Variants in GALNT13 observed in about 807,000 individuals in gnomAD.
The protein encoded by GALNT13 is polypeptide N-acetylgalactosaminyltransferase 13, also known as UDP-GalNAc:polypeptide N-acetylgalactosaminyltransferase 13.
Under a neutral mutation model 64.2 loss-of-function variants are expected in GALNT13, and 28 were observed. The ratio of observed to expected loss-of-function variants is 0.44; its 90% confidence interval spans 0.32 to 0.60. GALNT13 has a LOEUF of 0.60. Ranked by LOEUF, GALNT13 falls within the 20% of genes least tolerant of loss-of-function variation. The probability of loss-of-function intolerance (pLI) is 0.05; values close to 1 mark genes in which losing one functional copy is unlikely to be tolerated. For synonymous variants in GALNT13, 214 were observed against 224.6 expected (o/e 0.95, Z 0.42); for missense variants, 577 against 669.8 (o/e 0.86, Z 1.53).
intron 11 of GALNT13, among the ~76,000 whole-genome samples, chr2:154,410,062 T>C (rs1336316500): frequency 3.9e-5 from 6 of 151,970 alleles, no homozygotes; most frequent in African/African-American, 1.4e-4. Context: ...TTCCAAACTG[T>C]CAATTTGAGC....
At chr2:153,686,772 C>T in the GALNT13 span, among the ~76,000 whole-genome samples, 6 of 151,810 alleles carry the variant, frequency 4.0e-5, no homozygotes, top group Admixed American at 6.6e-5. Context: ...ATGTTAGCTG[C>T]GAGTTTGTCA....
chr2:153,888,181 T>C (rs2105260424), intron 1 of GALNT13, among the ~76,000 whole-genome samples: 1 of 152,144 alleles, frequency 6.6e-6, no homozygotes, highest in African/African-American at 2.4e-5. Flanking sequence ...CATAAATTAA[T>C]AAACTGCTGG....
chr2:153,140,383 C>A, the GALNT13 span, among the ~76,000 whole-genome samples: 53 of 152,040 alleles, frequency 3.5e-4, no homozygotes, highest in East Asian at 9.4e-3. Flanking sequence ...TTGTATACAA[C>A]AAAGGACAGG....
intron 3 of GALNT13, among the ~76,000 whole-genome samples, chr2:154,086,996 C>T (rs748624830): frequency 6.6e-5 from 10 of 151,874 alleles, no homozygotes; most frequent in Non-Finnish European, 1.5e-4. Context: ...CGAGTGTTTG[C>T]AAGCGTGAAT....
the GALNT13 span, among the ~76,000 whole-genome samples, chr2:153,127,768 C>G: frequency 2.6e-5 from 4 of 152,276 alleles, no homozygotes; most frequent in Middle Eastern, 0.01. Context: ...TATATTATGG[C>G]AAACTTTTCC....
chr2:153,276,335 T>C, the GALNT13 span, among the ~76,000 whole-genome samples: 3 of 152,226 alleles, frequency 2.0e-5, no homozygotes, highest in Admixed American at 6.5e-5. Context: ...TCATTTTATA[T>C]AGAAAAAGCA....
the GALNT13 span, among the ~76,000 whole-genome samples, chr2:153,110,812 A>G: frequency 1.3e-5 from 2 of 152,268 alleles, no homozygotes; most frequent in Non-Finnish European, 2.9e-5. Context: ...ATTTTTAGTA[A>G]GAAGGCGGTG....
the GALNT13 span, among the ~76,000 whole-genome samples, chr2:153,833,992 A>C: frequency 7.7e-6 from 1 of 129,546 alleles, no homozygotes; most frequent in Non-Finnish European, 1.8e-5. Flanking sequence ...GTGATTTCTT[A>C]ACAATGTTAC....
At chr2:153,780,006 C>G in the GALNT13 span, among the ~76,000 whole-genome samples, 7 of 151,736 alleles carry the variant, frequency 4.6e-5, no homozygotes, top group Admixed American at 2.6e-4. Flanking sequence ...TGACACCATG[C>G]ATGATTCAGC....
chr2:154,045,357 ATAAGAG>A (rs1000668967), intron 3 of GALNT13, among the ~76,000 whole-genome samples: 20 of 152,310 alleles, frequency 1.3e-4, no homozygotes, highest in African/African-American at 4.8e-4. Flanking sequence ...GAGACAAAGA[ATAAGAG>A]TAACATGGAA....
chr2:153,339,399 C>A, the GALNT13 span, among the ~76,000 whole-genome samples: 1 of 152,022 alleles, frequency 6.6e-6, no homozygotes, highest in Non-Finnish European at 1.5e-5. Context: ...TAATTGTTGG[C>A]CATTTGTGTG....
the GALNT13 span, among the ~76,000 whole-genome samples, chr2:153,556,238 G>T: frequency 6.6e-6 from 1 of 151,922 alleles, no homozygotes; most frequent in Non-Finnish European, 1.5e-5. Context: ...ATATTTAAAG[G>T]TTGGGCTATT....
intron 3 of GALNT13, among the ~76,000 whole-genome samples, chr2:153,999,976 A>G (rs2105217083): frequency 6.6e-6 from 1 of 152,138 alleles, no homozygotes; most frequent in East Asian, 1.9e-4. Context: ...AGAGTCTTTC[A>G]GACTGCCCCA....
chr2:153,934,003 C>G (rs1306369566), intron 2 of GALNT13, among the ~76,000 whole-genome samples: 1 of 152,092 alleles, frequency 6.6e-6, no homozygotes, highest in Non-Finnish European at 1.5e-5. Context: ...TCACCTGCCT[C>G]TCCTCTCTAG....
intron 10 of GALNT13, among the ~76,000 whole-genome samples, chr2:154,399,144 G>A (rs1440856550): frequency 6.6e-6 from 1 of 152,160 alleles, no homozygotes; most frequent in Non-Finnish European, 1.5e-5. Flanking sequence ...GAAGCTGAGT[G>A]TGTTGGCAGG....
At chr2:153,969,063 T>G (rs1483980012) in intron 3 of GALNT13, among the ~76,000 whole-genome samples, 1 of 152,112 alleles carries the variant, frequency 6.6e-6, no homozygotes, top group Non-Finnish European at 1.5e-5. Context: ...ACTTGTAGCA[T>G]ATATTGAATT....
chr2:154,148,381 A>G (rs1683755122), intron 4 of GALNT13, among the ~76,000 whole-genome samples: 1 of 152,154 alleles, frequency 6.6e-6, no homozygotes, highest in South Asian at 2.1e-4. Flanking sequence ...TGCCGCAATA[A>G]ACATACATGT....
In GALNT13 at chr2:153,974,921, T is replaced by G. The variant is rs16835494; in HGVS notation, c.142+30282T>G. ...GTCTAGAGGAAGGAAATCTGAATGT[T>G]TTTTCTTAAGTGATAAGTGGGAAAC... On this transcript the variant is annotated intron_variant, in intron 3 of 12. Transcript: ENST00000392825. Among the ~76,000 whole-genome samples the G allele has an allele frequency of 7.9e-3, 1,202 of 152,128 alleles. 16 individuals carry two copies. The highest frequency in any genetic ancestry group is 0.027 in the African/African-American group (1,141 of 41,548).
the GALNT13 span, among the ~76,000 whole-genome samples, chr2:153,842,893 A>G: frequency 2.6e-5 from 4 of 152,194 alleles, no homozygotes; most frequent in Admixed American, 6.5e-5. Context: ...AAACTGGCCC[A>G]TATAAAATAA....
Sources: gnomAD v4.1 joint callset for allele counts (sites outside exome capture counted in the v4.1 genomes callset) on GRCh38, gnomAD v4.1.1 for gene constraint, MANE v1.5 for transcripts, NCBI Gene and HGNC (gene_info 2026-07-23, HGNC 2026-07-21) for gene names.